Variants in SSX1 observed in about 807,000 individuals in gnomAD.
The protein encoded by SSX1 is SSX family member 1.
In SSX1, 58 loss-of-function variants were observed where a neutral mutation model predicts 14.6. The ratio of observed to expected loss-of-function variants is 3.96; its 90% CI spans 3.21 to 4.93. The LOEUF is 4.93. SSX1 is among the 30% of genes most tolerant of loss of function. SSX1 has a pLI of 0.00. For synonymous variants in SSX1, 46 were observed against 52.1 expected, an observed-to-expected ratio of 0.88 and a Z score of 0.50; for missense variants, 272 against 143.1, an observed-to-expected ratio of 1.90 and a Z score of -4.60.
chrX:48,259,434 T>C (rs2059596036), intron 4 of SSX1, among the ~76,000 whole-genome samples: 1 of 102,518 alleles, frequency 9.8e-6, no homozygotes, highest in Admixed American at 1.1e-4. Flanking sequence ...TTAAAAGACA[T>C]GTTGTTCTTG....
chrX:48,260,751 G>C (rs1344901866), intron 4 of SSX1, among the ~76,000 whole-genome samples: 2 of 105,644 alleles, frequency 1.9e-5, no homozygotes, highest in African/African-American at 6.9e-5. Flanking sequence ...CACTGTTAAT[G>C]AATCAAAGGA....
intron 3 of SSX1, 95 bp from the exon 4 acceptor site, chrX:48,258,441 G>C: frequency 1.6e-6 from 1 of 624,705 alleles, no homozygotes. Flanking sequence ...CAATCCTCCT[G>C]CCTCAGCCTC....
Position 48,263,920 on chromosome X carries a change from A to T in SSX1, c.466+3A>T, listed in dbSNP as rs782795412. On this transcript the variant is annotated splice_donor_region_variant and intron_variant, in intron 6 of 7. Transcript: ENST00000376919. ...TGAGAAGATTAATAAGAGATCTGGT[A>T]AGAGGAAATGATTTGGGAACAACTT... The T allele has an allele frequency of 4.1e-6, 5 of 1,210,113 alleles. No homozygotes were observed. Among genetic ancestry groups the T allele is most frequent in the Non-Finnish European group, 5.6e-6 (5 of 894,636 alleles).
At chrX:48,263,543 C>G (rs2059612304) in intron 5 of SSX1, among the ~76,000 whole-genome samples, 1 of 111,542 alleles carries the variant, frequency 9.0e-6, no homozygotes, top group African/African-American at 3.3e-5. Context: ...TCTGCTGTTT[C>G]CACGAATGTC....
intron 5 of SSX1, among the ~76,000 whole-genome samples, chrX:48,263,581 T>C (rs1315041286): frequency 9.0e-6 from 1 of 111,714 alleles, no homozygotes; most frequent in Non-Finnish European, 1.9e-5. Flanking sequence ...AAGATAAGCA[T>C]TCTAGCCCTG....
At chrX:48,265,343 G>A (rs2059619142) in intron 6 of SSX1, among the ~76,000 whole-genome samples, 1 of 111,941 alleles carries the variant, frequency 8.9e-6, no homozygotes, top group South Asian at 3.8e-4. Context: ...GCCATTTCTA[G>A]ATTCTGATTT....
chrX:48,257,148 G>A (rs5953209), intron 1 of SSX1, 74 bp from the exon 2 acceptor site: 52,059 of 963,631 alleles, frequency 0.054, 2,576 homozygotes, highest in East Asian at 0.24. Context: ...GAGTGTGGCC[G>A]GGCTTCACTG....
chrX:48,258,693 A>G, intron 4 of SSX1, 62 bp downstream of exon 4: 1 of 923,065 alleles, frequency 1.1e-6, no homozygotes, highest in South Asian at 2.1e-5. Context: ...CAGCTCAGCT[A>G]CCTGGGAAAG....
At chrX:48,255,674 T>A (rs1556934164) in intron 1 of SSX1, among the ~76,000 whole-genome samples, 1 of 105,366 alleles carries the variant, frequency 9.5e-6, no homozygotes, top group East Asian at 3.0e-4. Context: ...ATTTGTTATG[T>A]TGACCAGGCT....
intron 6 of SSX1, among the ~76,000 whole-genome samples, chrX:48,265,922 C>T (rs1162566663): frequency 7.2e-5 from 8 of 111,359 alleles, no homozygotes; most frequent in Non-Finnish European, 1.5e-4. Flanking sequence ...GAATTCCCCC[C>T]AAAAAATTAC....
At chrX:48,262,864 G>A (rs5002540) in intron 5 of SSX1, among the ~76,000 whole-genome samples, 42,670 of 110,271 alleles carry the variant, frequency 0.39, 6,257 homozygotes, top group Non-Finnish European at 0.46. Context: ...GGCCGGGCGC[G>A]GGGGCTCACG....
In SSX1 at chrX:48,257,804, C is replaced by G. The variant is rs782536874; in HGVS notation, c.128C>G (p.Ser43Trp). 1.7e-6 allele frequency: 2 copies of G among 1,207,343 alleles called. No homozygotes were observed. Among genetic ancestry groups the G allele is most frequent in the Non-Finnish European group, 2.2e-6 (2 of 892,761 alleles). ...SKKEWKKMKY[S>W]EKISYVYMKR... The stretch of plus-strand genomic sequence containing the variant: ...AAAGAGTGGAAAAAGATGAAATACT[C>G]GGAGAAAATCAGCTATGTGTATATG... Residue 43 changes from serine (S) to tryptophan (W), a missense_variant, in exon 3 of 8, where the codon TCG becomes TGG. By Grantham distance (177) the Ser-to-Trp change is radical. Coordinates refer to ENST00000376919, the MANE Select transcript of SSX1 (RefSeq NM_005635.4).
At chrX:48,260,439 A>G in intron 4 of SSX1, among the ~76,000 whole-genome samples, 1 of 111,950 alleles carries the variant, frequency 8.9e-6, no homozygotes, top group Non-Finnish European at 1.9e-5. Flanking sequence ...TTTGCTGTGC[A>G]GAAGCTCTTT....
At chrX:48,257,964 T>C in intron 3 of SSX1, 104 bp downstream of exon 3, 4 of 562,006 alleles carry the variant, frequency 7.1e-6, no homozygotes, top group South Asian at 6.2e-5. Flanking sequence ...CATTTTCCTT[T>C]TGTGCAGGGA....
Position 48,255,442 on chromosome X carries a change from C to T in SSX1, c.-21+10C>T, listed in dbSNP as rs2059577019. 9.0e-6 allele frequency: 1 copy of T among 110,591 alleles called. No individual in the cohort carries two copies. The highest frequency in any genetic ancestry group is 3.3e-5 in the African/African-American group (1 of 30,376). 9.1% of individuals were successfully genotyped at this position (110,591 alleles called of 1,213,427 possible). On this transcript the variant is annotated intron_variant, in intron 1 of 7. Transcript: ENST00000376919. ...CTGCTTTGTCTCTGAAGTAGGTTCT[C>T]TTTAAGGGACACCCTAGATGGGCTA...
At chrX:48,259,454 G>GT (rs782210642) in intron 4 of SSX1, among the ~76,000 whole-genome samples, 6,495 of 108,256 alleles carry the variant, frequency 0.06, 201 homozygotes, top group Non-Finnish European at 0.083. Flanking sequence ...GCTAAACACT[G>GT]TTTTTTTTTA....
chrX:48,264,342 G>A (rs1346108644), intron 6 of SSX1, among the ~76,000 whole-genome samples: 1 of 111,918 alleles, frequency 8.9e-6, no homozygotes, highest in Non-Finnish European at 1.9e-5. Context: ...TTGCAGGTTG[G>A]GTTCCAGAGC....
rs782724657 is a variant in SSX1, at chrX:48,262,423, A to C, written c.330+608A>C. Among the ~76,000 whole-genome samples, 68 of 112,123 alleles carry C rather than the reference A, an allele frequency of 6.1e-4. 1 individual carries two copies. Among genetic ancestry groups the C allele is most frequent in the African/African-American group, 1.4e-3 (42 of 30,894 alleles). ...ACTAGGGCTTTACCCCATAGGGCCT[A>C]CTGGTGCTTCCATTGAGACACCCAC... On this transcript the variant is annotated intron_variant, in intron 5 of 7. Coordinates refer to ENST00000376919, the MANE Select transcript of SSX1 (RefSeq NM_005635.4).
chrX:48,265,873 A>G lies in SSX1; in HGVS notation c.467-414A>G, dbSNP rs2059621059. 2.7e-5 allele frequency among the ~76,000 whole-genome samples: 3 copies of G among 111,874 alleles called. 1 individual carries two copies. The South Asian group carries it at 1.1e-3, about 42-fold the overall frequency. ...AAGCTCACTGATCACAGATCACCAT[A>G]ACAGATATAATAATAATGGAAAAGT... On this transcript the variant is annotated intron_variant, in intron 6 of 7. Transcript: ENST00000376919.
Sources: allele counts gnomAD v4.1 joint callset (sites outside exome capture counted in the v4.1 genomes callset), GRCh38; gene constraint gnomAD v4.1.1; transcripts MANE v1.5; gene names NCBI Gene and HGNC (gene_info 2026-07-23, HGNC 2026-07-21).